Variants in NOL10 observed in about 807,000 individuals in gnomAD.
NOL10 encodes nucleolar protein 10.
NOL10 carries 58 observed loss-of-function variants against 103.5 expected under a neutral mutation model. The observed-to-expected ratio is 0.56, with a 90% confidence interval of 0.45 to 0.70. The LOEUF is 0.70. Ranked by LOEUF, NOL10 falls within the 30% of genes least tolerant of loss-of-function variation. NOL10 has a pLI of 0.00. For synonymous variants in NOL10, 287 were observed against 282.5 expected, an observed-to-expected ratio of 1.02 and a Z score of -0.16; for missense variants, 763 against 807.3, an observed-to-expected ratio of 0.95 and a Z score of 0.67.
intron 17 of NOL10, among the ~76,000 whole-genome samples, chr2:10,592,888 A>G (rs1675462815): frequency 6.6e-6 from 1 of 152,204 alleles, no homozygotes; most frequent in South Asian, 2.1e-4. Context: ...AAAAAGTAGG[A>G]TAAGGTATAG....
At chr2:10,605,372 G>A (rs1285445222) in intron 14 of NOL10, among the ~76,000 whole-genome samples, 3 of 152,148 alleles carry the variant, frequency 2.0e-5, no homozygotes, top group African/African-American at 2.4e-5. Flanking sequence ...TAGGAAGTAA[G>A]GGAAGTTCAT....
intron 13 of NOL10, among the ~76,000 whole-genome samples, chr2:10,618,630 G>C (rs1280792750): frequency 6.6e-6 from 1 of 152,074 alleles, no homozygotes; most frequent in Non-Finnish European, 1.5e-5. Context: ...GTTCCAGGAA[G>C]GCGGCCCAGT....
intron 13 of NOL10, among the ~76,000 whole-genome samples, chr2:10,640,249 A>G (rs948832923): frequency 6.6e-6 from 1 of 152,212 alleles, no homozygotes; most frequent in Non-Finnish European, 1.5e-5. Context: ...GTTTGATAAA[A>G]TCTTATGAAA....
intron 13 of NOL10, among the ~76,000 whole-genome samples, chr2:10,627,503 G>A (rs186079024): frequency 4.6e-5 from 7 of 151,986 alleles, no homozygotes; most frequent in South Asian, 2.1e-4. Context: ...GTGAAACCCC[G>A]TCTCTACCAA....
chr2:10,602,309 A>T (rs879644282), intron 16 of NOL10, among the ~76,000 whole-genome samples: 1 of 152,202 alleles, frequency 6.6e-6, no homozygotes, highest in Non-Finnish European at 1.5e-5. Context: ...CTGTCTTTTC[A>T]GTTCTCCAAT....
intron 1 of NOL10, among the ~76,000 whole-genome samples, chr2:10,684,846 T>C (rs1372699855): frequency 1.3e-5 from 2 of 152,252 alleles, no homozygotes; most frequent in African/African-American, 2.4e-5. Context: ...TTTTTACTTT[T>C]TTAGAGACAG....
chr2:10,586,563 C>T (rs968629480), intron 19 of NOL10, among the ~76,000 whole-genome samples: 7 of 151,746 alleles, frequency 4.6e-5, no homozygotes, highest in African/African-American at 1.2e-4. Flanking sequence ...TCCACTTACA[C>T]GCAGTTTTTC....
intron 13 of NOL10, among the ~76,000 whole-genome samples, chr2:10,642,796 T>C (rs1449119189): frequency 1.3e-5 from 2 of 152,226 alleles, no homozygotes; most frequent in African/African-American, 2.4e-5. Context: ...ATTCCCTGAG[T>C]GCCAACCACA....
intron 17 of NOL10, among the ~76,000 whole-genome samples, chr2:10,597,469 T>G (rs1675753115): frequency 6.6e-6 from 1 of 152,246 alleles, no homozygotes; most frequent in African/African-American, 2.4e-5. Flanking sequence ...GATCTGCTGA[T>G]GAGACTTAGC....
chr2:10,677,113 A>C (rs532816238), intron 3 of NOL10, among the ~76,000 whole-genome samples: 82 of 151,596 alleles, frequency 5.4e-4, no homozygotes, highest in African/African-American at 1.8e-3. Flanking sequence ...TAATTTTTGT[A>C]TTTTTAGTAG....
intron 12 of NOL10, among the ~76,000 whole-genome samples, chr2:10,653,530 T>C (rs993873546): frequency 3.3e-5 from 5 of 152,138 alleles, no homozygotes; most frequent in Admixed American, 6.5e-5. Flanking sequence ...ACAAGTCCTC[T>C]CTGACAGCAC....
intron 7 of NOL10, among the ~76,000 whole-genome samples, chr2:10,668,004 T>C (rs1680665062): frequency 6.6e-6 from 1 of 152,208 alleles, no homozygotes; most frequent in Non-Finnish European, 1.5e-5. Context: ...CTTCCACCCT[T>C]GACTAGTTGT....
intron 17 of NOL10, 91 bp downstream of exon 17, chr2:10,600,762 T>C (rs1047280864): frequency 1.2e-6 from 1 of 841,214 alleles, no homozygotes; most frequent in African/African-American, 1.7e-5. Flanking sequence ...AAGTCCTACA[T>C]GTATTTTTAA....
Position 10,668,657 on chromosome 2 carries a change from C to G in NOL10, c.530+1G>C. 6.0e-6 allele frequency: 9 copies of G among 1,509,068 alleles called. No individual in the cohort carries two copies. Among genetic ancestry groups the G allele is most frequent in the Non-Finnish European group, 8.2e-6 (9 of 1,104,166 alleles). 93.5% of individuals were successfully genotyped at this position (1,509,068 alleles called of 1,614,324 possible). On this transcript the variant is annotated splice_donor_variant, in intron 7 of 20. Coordinates refer to ENST00000381685, the MANE Select transcript of NOL10 (RefSeq NM_024894.4). LOFTEE classifies it high-confidence loss of function. ...ATAGCAGAATTACTAAAACTACTCA[C>G]GCAGCATCAGTTTGTAGAGGATTCA...
At chr2:10,661,319 C>T (rs951994721) in intron 9 of NOL10, among the ~76,000 whole-genome samples, 1 of 152,102 alleles carries the variant, frequency 6.6e-6, no homozygotes, top group African/African-American at 2.4e-5. Flanking sequence ...AGGTAATCCA[C>T]CTGCCTCAGC....
chr2:10,659,040 T>G, intron 10 of NOL10, 132 bp downstream of exon 10: 1 of 669,654 alleles, frequency 1.5e-6, no homozygotes, highest in African/African-American at 1.8e-5. Flanking sequence ...GAATCCAGCA[T>G]TCTGGAATAC....
intron 3 of NOL10, among the ~76,000 whole-genome samples, chr2:10,677,867 G>C (rs945087262): frequency 1.4e-5 from 2 of 142,422 alleles, no homozygotes; most frequent in Non-Finnish European, 3.0e-5. Context: ...GTGTGTGTGT[G>C]TGTGTATACA....
chr2:10,631,589 CACA>C (rs1420094783), intron 13 of NOL10, among the ~76,000 whole-genome samples: 2 of 152,200 alleles, frequency 1.3e-5, no homozygotes, highest in African/African-American at 2.4e-5. Context: ...CACTCCCAAA[CACA>C]ACGATTGCAT....
rs540324071 is a variant in NOL10, at chr2:10,630,484, G to T, written c.1026+13836C>A. ...TCCCAGCACTTTGGGAGGCTGAGGC[G>T]GGCGGATCATGAGGTCAGGAGATTG... is the stretch of plus-strand genomic sequence containing the variant. On this transcript the variant is annotated intron_variant, in intron 13 of 20. Coordinates refer to ENST00000381685, the MANE Select transcript of NOL10 (RefSeq NM_024894.4). 3.3e-5 allele frequency among the ~76,000 whole-genome samples: 5 copies of T among 152,168 alleles called. No individual in the cohort carries two copies. In the East Asian group the frequency reaches 9.7e-4, roughly 29 times the overall value.
Sources: gnomAD v4.1 joint callset for allele counts (sites outside exome capture counted in the v4.1 genomes callset) on GRCh38, gnomAD v4.1.1 for gene constraint, MANE v1.5 for transcripts, NCBI Gene and HGNC (gene_info 2026-07-23, HGNC 2026-07-21) for gene names.